The following PPP1R42 variants were observed in gnomAD, a reference collection of about 807,000 sequenced individuals.
PPP1R42 encodes leucine rich repeat containing 67.
A neutral mutation model predicts 31.0 loss-of-function variants in PPP1R42; 34 were observed. The observed-to-expected ratio is 1.10, with a 90% confidence interval of 0.83 to 1.46. The LOEUF is 1.46. Ranked by LOEUF, PPP1R42 falls within the 40% of genes most tolerant of loss-of-function variation. The pLI, the probability that PPP1R42 is intolerant of heterozygous loss-of-function variation, is 0.00. For missense variants in PPP1R42, 268 were observed against 303.0 expected (o/e 0.88, Z 0.86); for synonymous variants, 103 against 109.8 (o/e 0.94, Z 0.39).
At chr8:66,970,568 T>A (rs963212157) in intron 7 of PPP1R42, among the ~76,000 whole-genome samples, 20 of 152,250 alleles carry the variant, frequency 1.3e-4, no homozygotes, top group Non-Finnish European at 2.5e-4. Flanking sequence ...GAAAGTAGTC[T>A]AATTCTGTAG....
chr8:67,019,635 A>G (rs1816146915), intron 1 of PPP1R42, among the ~76,000 whole-genome samples: 3 of 151,852 alleles, frequency 2.0e-5, no homozygotes, highest in African/African-American at 7.3e-5. Flanking sequence ...TGAAGAAACT[A>G]AGTCCCCAGC....
intron 6 of PPP1R42, among the ~76,000 whole-genome samples, chr8:66,986,535 G>A: frequency 6.6e-6 from 1 of 152,174 alleles, no homozygotes; most frequent in East Asian, 1.9e-4. Context: ...GAGTGGGCCG[G>A]GCCGCCAATT....
At chr8:67,012,923 A>G (rs779413677) in intron 4 of PPP1R42, 35 bp downstream of exon 4, 5 of 1,574,606 alleles carry the variant, frequency 3.2e-6, no homozygotes, top group African/African-American at 2.7e-5. Context: ...GTTAATCACT[A>G]TATTCCTTGT....
chr8:67,010,547 A>T, intron 5 of PPP1R42, 168 bp downstream of exon 5: 1 of 569,978 alleles, frequency 1.8e-6, no homozygotes, highest in Non-Finnish European at 3.0e-6. Context: ...AAATAAGAGG[A>T]CAGAATTATA....
Position 66,970,768 on chromosome 8 carries a change from T to C in PPP1R42, c.803-6434A>G, listed in dbSNP as rs185858478. 9.8e-5 allele frequency: 54 copies of C among 550,818 alleles called. No homozygotes were observed. In the Admixed American group the frequency reaches 1.2e-3, roughly 12 times the overall value. 34.1% of individuals were successfully genotyped at this position (550,818 alleles called of 1,614,324 possible). ...GTGTATCCAGTCTAACGCCGAAGTC[T>C]TCTGGAAACACCCCTTCCCATCGTA... On this transcript the variant is annotated intron_variant, in intron 7 of 7. Coordinates refer to ENST00000685739, the MANE Select transcript of PPP1R42 (RefSeq NM_001364910.1).
intron 1 of PPP1R42, among the ~76,000 whole-genome samples, chr8:67,020,129 T>G (rs1332874850): frequency 6.6e-6 from 1 of 152,104 alleles, no homozygotes. Context: ...AATTTATGTT[T>G]TATTAGTACA....
intron 1 of PPP1R42, among the ~76,000 whole-genome samples, chr8:67,024,904 T>A (rs1046505931): frequency 6.6e-6 from 1 of 151,866 alleles, no homozygotes; most frequent in East Asian, 1.9e-4. Flanking sequence ...ATACACAAAT[T>A]AAGTTTGCTA....
chr8:67,028,257 C>G (rs1408469284), intron 1 of PPP1R42, among the ~76,000 whole-genome samples: 1 of 152,208 alleles, frequency 6.6e-6, no homozygotes, highest in African/African-American at 2.4e-5. Context: ...CCGCGACCAC[C>G]CCTCCACCTG....
chr8:66,974,891 A>G lies in PPP1R42; in HGVS notation c.802+7158T>C, dbSNP rs1180920889. 3.3e-5 allele frequency among the ~76,000 whole-genome samples: 5 copies of G among 152,224 alleles called. No individual in the cohort carries two copies. The East Asian group carries it at 7.7e-4, about 24-fold the overall frequency. On this transcript the variant is annotated intron_variant, in intron 7 of 7. Transcript: ENST00000685739. The stretch of plus-strand genomic sequence containing the variant: ...CCATACTGTTTTGATTACTGTATCT[A>G]TGTAATATATTTCAAAGTTAAGAAA...
intron 2 of PPP1R42, among the ~76,000 whole-genome samples, 193 bp from the exon 3 acceptor site, chr8:67,014,785 CT>C (rs1275044112): frequency 2.0e-5 from 3 of 151,916 alleles, no homozygotes; most frequent in Admixed American, 2.0e-4. Flanking sequence ...ATATATTTTT[CT>C]TTTTTTAGAA....
At chr8:67,005,917 A>G (rs1176402525) in intron 5 of PPP1R42, among the ~76,000 whole-genome samples, 2 of 152,092 alleles carry the variant, frequency 1.3e-5, no homozygotes, top group African/African-American at 4.8e-5. Context: ...GTGGCTTTCT[A>G]TTGCACTTAG....
intron 2 of PPP1R42, among the ~76,000 whole-genome samples, chr8:67,015,200 G>A (rs566339385): frequency 6.6e-6 from 1 of 151,834 alleles, no homozygotes; most frequent in Non-Finnish European, 1.5e-5. Context: ...TGTATTTTTA[G>A]TAGAGACGGG....
At chr8:66,971,169 C>T (rs1405098577) in intron 7 of PPP1R42, 4 of 1,443,310 alleles carry the variant, frequency 2.8e-6, no homozygotes, top group Non-Finnish European at 3.6e-6. Flanking sequence ...TAAAAGCATT[C>T]TGCTTTGAAA....
chr8:66,965,587 T>C (rs1174472201), intron 7 of PPP1R42, among the ~76,000 whole-genome samples: 1 of 151,924 alleles, frequency 6.6e-6, no homozygotes, highest in Non-Finnish European at 1.5e-5. Flanking sequence ...TAGCTGGGAC[T>C]ACAGGCACGT....
At chr8:67,020,544 C>T (rs537160133) in intron 1 of PPP1R42, among the ~76,000 whole-genome samples, 2 of 152,272 alleles carry the variant, frequency 1.3e-5, no homozygotes, top group South Asian at 4.1e-4. Flanking sequence ...CCAATTTTGG[C>T]TTCATCACTT....
rs544130635 is a variant in PPP1R42, at chr8:67,021,061, A to G, written c.-84-3230T>C. 2.5e-3 allele frequency among the ~76,000 whole-genome samples: 386 copies of G among 152,368 alleles called. 2 individuals carry two copies. Among genetic ancestry groups the G allele is most frequent in the Middle Eastern group, 0.014 (4 of 294 alleles). ...AGTGATAAATATCCCAGTTTCCCCA[A>G]TTGTGCTTCACATTCTTTTACTACA... On this transcript the variant is annotated intron_variant, in intron 1 of 7. Transcript: ENST00000685739.
At chr8:66,976,544 TC>T (rs1304411373) in intron 7 of PPP1R42, among the ~76,000 whole-genome samples, 1 of 152,082 alleles carries the variant, frequency 6.6e-6, no homozygotes, top group African/African-American at 2.4e-5. Context: ...CTTGCCTTAT[TC>T]CCTCTGGCCT....
intron 5 of PPP1R42, among the ~76,000 whole-genome samples, chr8:67,008,644 G>A (rs1815754781): frequency 6.6e-6 from 1 of 151,262 alleles, no homozygotes; most frequent in East Asian, 1.9e-4. Flanking sequence ...GGTGGTGAAG[G>A]TGGCAGTGAG....
chr8:67,015,438 TAGTTA>T (rs1473930928), intron 2 of PPP1R42, among the ~76,000 whole-genome samples: 2 of 152,122 alleles, frequency 1.3e-5, no homozygotes, highest in African/African-American at 4.8e-5. Flanking sequence ...TCATAATATA[TAGTTA>T]AGTGAAAATA....
Sources: allele counts gnomAD v4.1 joint callset (sites outside exome capture counted in the v4.1 genomes callset), GRCh38; gene constraint gnomAD v4.1.1; transcripts MANE v1.5; gene names NCBI Gene and HGNC (gene_info 2026-07-23, HGNC 2026-07-21).